Variants in RBMS3 observed in about 807,000 individuals in gnomAD.
The protein encoded by RBMS3 is RNA binding motif single stranded interacting protein 3.
RBMS3 carries 27 observed loss-of-function variants against 66.8 expected under a neutral mutation model. The observed-to-expected ratio is 0.40, with a 90% confidence interval of 0.30 to 0.56. RBMS3 has a LOEUF of 0.56. RBMS3 is among the 20% of genes least tolerant of loss of function. The pLI is 0.40. For missense variants in RBMS3, 513 were observed against 549.5 expected (o/e 0.93, Z 0.66); for synonymous variants, 188 against 183.0 (o/e 1.03, Z -0.22).
intron 3 of RBMS3, among the ~76,000 whole-genome samples, chr3:29,523,490 T>C (rs2044949695): frequency 6.6e-6 from 1 of 152,110 alleles, no homozygotes; most frequent in Non-Finnish European, 1.5e-5. Context: ...GAAAGCAGCA[T>C]CCACAGGGTC....
intron 4 of RBMS3, among the ~76,000 whole-genome samples, chr3:29,692,500 C>T (rs776154292): frequency 1.4e-4 from 22 of 152,216 alleles, no homozygotes; most frequent in Admixed American, 5.2e-4. Context: ...ACATTAAAAA[C>T]GGAACAACAG....
At chr3:29,602,423 A>G (rs1279533630) in intron 4 of RBMS3, among the ~76,000 whole-genome samples, 1 of 151,986 alleles carries the variant, frequency 6.6e-6, no homozygotes, top group Non-Finnish European at 1.5e-5. Context: ...AAATGCTCCA[A>G]TCCCAGCCAA....
At chr3:29,446,715 A>G (rs1330036796) in intron 2 of RBMS3, among the ~76,000 whole-genome samples, 1 of 152,166 alleles carries the variant, frequency 6.6e-6, no homozygotes, top group Non-Finnish European at 1.5e-5. Context: ...CTTCAATATA[A>G]TAAAGCAGTT....
At chr3:29,348,704 A>C (rs2036729779) in intron 1 of RBMS3, among the ~76,000 whole-genome samples, 1 of 152,188 alleles carries the variant, frequency 6.6e-6, no homozygotes, top group Admixed American at 6.5e-5. Flanking sequence ...CAAAAATCGT[A>C]AACTCCCTGA....
intron 4 of RBMS3, among the ~76,000 whole-genome samples, chr3:29,640,170 A>G (rs1405820516): frequency 6.6e-6 from 1 of 151,708 alleles, no homozygotes; most frequent in Non-Finnish European, 1.5e-5. Context: ...TATGCCAAGT[A>G]TTTCCCCAGA....
chr3:29,338,516 C>G (rs1020268869), intron 1 of RBMS3, among the ~76,000 whole-genome samples: 12 of 152,136 alleles, frequency 7.9e-5, no homozygotes, highest in African/African-American at 2.9e-4. Flanking sequence ...AATGCAAATT[C>G]TCAGATTTCT....
chr3:29,922,652 T>C (rs1577155491), intron 10 of RBMS3, among the ~76,000 whole-genome samples: 1 of 152,166 alleles, frequency 6.6e-6, no homozygotes, highest in South Asian at 2.1e-4. Context: ...ATATATACTA[T>C]AATTTGAGTA....
At chr3:29,595,969 C>T (rs2047930261) in intron 4 of RBMS3, among the ~76,000 whole-genome samples, 2 of 152,182 alleles carry the variant, frequency 1.3e-5, no homozygotes, top group African/African-American at 4.8e-5. Context: ...GCCACGCTTG[C>T]TGAGCTCTTG....
chr3:29,615,056 A>C (rs2048616779), intron 4 of RBMS3: 1 of 152,428 alleles, frequency 6.6e-6, no homozygotes. Context: ...GCTCAGGGAA[A>C]TGTAATGATT....
At chr3:29,506,943 AT>A (rs1023953572) in intron 3 of RBMS3, among the ~76,000 whole-genome samples, 3 of 146,038 alleles carry the variant, frequency 2.1e-5, no homozygotes, top group African/African-American at 7.5e-5. Flanking sequence ...TTCATTTCTG[AT>A]ATTATTTGAG....
At chr3:29,589,236 C>T (rs1490190069) in intron 4 of RBMS3, among the ~76,000 whole-genome samples, 1 of 152,076 alleles carries the variant, frequency 6.6e-6, no homozygotes, top group East Asian at 1.9e-4. Context: ...CCCACTCCCC[C>T]GCACCCTCTG....
chr3:29,980,043 C>T (rs986337688), intron 12 of RBMS3, among the ~76,000 whole-genome samples: 4 of 152,164 alleles, frequency 2.6e-5, no homozygotes, highest in African/African-American at 9.6e-5. Context: ...CTAATTTACA[C>T]TTCCATCAAC....
intron 1 of RBMS3, among the ~76,000 whole-genome samples, chr3:29,325,410 ATATAT>A (rs2035262735): frequency 6.6e-6 from 1 of 152,046 alleles, no homozygotes; most frequent in African/African-American, 2.4e-5. Context: ...AAGTGTGTTA[ATATAT>A]TATCCATCCA....
At chr3:29,819,026 A>G (rs1471033938) in intron 6 of RBMS3, among the ~76,000 whole-genome samples, 1 of 152,204 alleles carries the variant, frequency 6.6e-6, no homozygotes, top group Non-Finnish European at 1.5e-5. Context: ...AAATTAAGAA[A>G]AACAATACAT....
chr3:29,698,942 A>G (rs1457375262), intron 4 of RBMS3, among the ~76,000 whole-genome samples: 1 of 152,158 alleles, frequency 6.6e-6, no homozygotes, highest in African/African-American at 2.4e-5. Flanking sequence ...ACATAACAAC[A>G]TATCTTGGTG....
At chr3:29,492,749 C>G (rs952208443) in intron 3 of RBMS3, among the ~76,000 whole-genome samples, 2 of 152,094 alleles carry the variant, frequency 1.3e-5, no homozygotes, top group Admixed American at 6.5e-5. Flanking sequence ...AAAACTCAAA[C>G]TTGAGAGGGC....
At chr3:29,884,477 C>T (rs1186659503) in intron 8 of RBMS3, among the ~76,000 whole-genome samples, 2 of 117,876 alleles carry the variant, frequency 1.7e-5, no homozygotes, top group African/African-American at 3.9e-5. Flanking sequence ...TCTCCCCCCC[C>T]GCTCCCTCCC....
At chr3:29,802,289 C>T (rs1023214350) in intron 6 of RBMS3, among the ~76,000 whole-genome samples, 4 of 152,126 alleles carry the variant, frequency 2.6e-5, no homozygotes, top group Non-Finnish European at 5.9e-5. Context: ...AAGTCAATAC[C>T]ACCAACCACA....
rs781017304 is a variant in RBMS3 at position 29,884,162 on chromosome 3, G to C, written c.745G>C (p.Ala249Pro). ...TCTTCCCTCTTCATCCTATATACAG[G>C]CTGGCATGGCTTTGACCTATGACCC... ...NGRPWPREGE[A>P]GMALTYDPTA... Residue 249 changes from alanine (A) to proline (P), a missense_variant and splice_region_variant, in exon 8 of 15, where the codon GCT becomes CCT. Physicochemically the swap from Ala to Pro is conservative, Grantham distance 27. Coordinates refer to ENST00000383767, the MANE Select transcript of RBMS3 (RefSeq NM_001003793.3). The C allele has an allele frequency of 1.9e-6, 3 of 1,611,404 alleles. No individual in the cohort carries two copies. Among genetic ancestry groups the C allele is most frequent in the Non-Finnish European group, 2.5e-6 (3 of 1,178,246 alleles).
Sources: allele counts gnomAD v4.1 joint callset (sites outside exome capture counted in the v4.1 genomes callset), GRCh38; gene constraint gnomAD v4.1.1; transcripts MANE v1.5; gene names NCBI Gene and HGNC (gene_info 2026-07-23, HGNC 2026-07-21).